Variants in COL5A2 observed in about 807,000 individuals in gnomAD.
COL5A2 encodes collagen type V alpha 2 chain, also known as collagen alpha-2(V) chain.
Under a neutral mutation model 208.2 loss-of-function variants are expected in COL5A2, and 23 were observed. The observed-to-expected ratio is 0.11, with a 90% confidence interval of 0.08 to 0.16. The LOEUF is 0.16. COL5A2 is among the 10% of genes least tolerant of loss of function. The pLI is 1.00. For synonymous variants in COL5A2, 625 were observed against 628.5 expected (o/e 0.99, Z 0.08); for missense variants, 1,590 against 1,956.4 (o/e 0.81, Z 3.53).
chr2:189,250,627 T>C, the COL5A2 span, among the ~76,000 whole-genome samples: 1 of 152,122 alleles, frequency 6.6e-6, no homozygotes, highest in Non-Finnish European at 1.5e-5. Context: ...GGGATAAGTA[T>C]CCCTCTTCCT....
intron 18 of COL5A2, among the ~76,000 whole-genome samples, chr2:189,070,528 T>C (rs752626657): frequency 6.6e-6 from 1 of 152,176 alleles, no homozygotes; most frequent in African/African-American, 2.4e-5. Context: ...TTGAGTTTTA[T>C]TGAGCAGTTT....
rs562892882 is a variant in COL5A2 at position 189,084,775 on chromosome 2, T to C, written c.798+385A>G. 2.6e-5 allele frequency among the ~76,000 whole-genome samples: 4 copies of C among 152,340 alleles called. No individual in the cohort carries two copies. In the East Asian group the frequency reaches 5.8e-4, roughly 22 times the overall value. On this transcript the variant is annotated intron_variant, in intron 11 of 53. Coordinates refer to ENST00000374866, the MANE Select transcript of COL5A2 (RefSeq NM_000393.5). ...TATTGGCACTATACTACTAACACGT[T>C]TTAAAAATTCCTTTTAAATAAGACC...
chr2:189,117,273 A>G (rs1399595571), intron 1 of COL5A2, among the ~76,000 whole-genome samples: 1 of 152,174 alleles, frequency 6.6e-6, no homozygotes, highest in African/African-American at 2.4e-5. Context: ...TTTTTTTCCC[A>G]CATACCTCAA....
chr2:189,261,654 CT>C, the COL5A2 span, among the ~76,000 whole-genome samples: 1 of 152,338 alleles, frequency 6.6e-6, no homozygotes, highest in South Asian at 2.1e-4. Context: ...ATTTCCTGTT[CT>C]TTCAACTTGT....
chr2:189,435,712 C>T, the COL5A2 span, among the ~76,000 whole-genome samples: 615 of 152,330 alleles, frequency 4.0e-3, 3 homozygotes, highest in Non-Finnish European at 7.3e-3. Flanking sequence ...AGTAGGAACA[C>T]TTTTACACTG....
the COL5A2 span, among the ~76,000 whole-genome samples, chr2:189,297,270 T>G: frequency 6.6e-6 from 1 of 152,200 alleles, no homozygotes; most frequent in Non-Finnish European, 1.5e-5. Context: ...CTTTTCACTA[T>G]TTATTTCTAA....
chr2:189,116,676 C>A (rs1482580516), intron 1 of COL5A2, among the ~76,000 whole-genome samples: 1 of 152,084 alleles, frequency 6.6e-6, no homozygotes, highest in Non-Finnish European at 1.5e-5. Flanking sequence ...TTCTAGTGAG[C>A]CCCGCAAGCT....
chr2:189,055,076 C>T (rs945306339), intron 35 of COL5A2, among the ~76,000 whole-genome samples: 1 of 151,952 alleles, frequency 6.6e-6, no homozygotes, highest in Non-Finnish European at 1.5e-5. Flanking sequence ...TTAGTAGAGA[C>T]GGGGTTTCAC....
At chr2:189,236,168 C>T in the COL5A2 span, among the ~76,000 whole-genome samples, 1 of 151,612 alleles carries the variant, frequency 6.6e-6, no homozygotes, top group South Asian at 2.1e-4. Context: ...GGATTTTGCC[C>T]CATGAGTCTT....
intron 35 of COL5A2, among the ~76,000 whole-genome samples, chr2:189,054,688 T>C (rs867231243): frequency 1.4e-5 from 2 of 146,178 alleles, no homozygotes; most frequent in African/African-American, 2.6e-5. Flanking sequence ...AGGTGTTTTT[T>C]CCTTTTTTTT....
the COL5A2 span, among the ~76,000 whole-genome samples, chr2:189,335,033 C>A: frequency 1.3e-5 from 2 of 151,834 alleles, no homozygotes; most frequent in African/African-American, 4.8e-5. Context: ...TAAAAAAATC[C>A]TTGGCAGTTA....
the COL5A2 span, among the ~76,000 whole-genome samples, chr2:189,375,687 G>A: frequency 1.3e-5 from 2 of 152,072 alleles, no homozygotes; most frequent in African/African-American, 4.8e-5. Context: ...CAAGATTTTT[G>A]CAAGATAGAT....
the COL5A2 span, among the ~76,000 whole-genome samples, chr2:189,371,472 C>G: frequency 6.6e-6 from 1 of 152,066 alleles, no homozygotes; most frequent in African/African-American, 2.4e-5. Context: ...TGATTCTGAC[C>G]AAGTGTTGAT....
At chr2:189,356,479 T>C in the COL5A2 span, among the ~76,000 whole-genome samples, 1 of 152,218 alleles carries the variant, frequency 6.6e-6, no homozygotes, top group African/African-American at 2.4e-5. Flanking sequence ...TTTATTTCAT[T>C]GAGTTGATCT....
chr2:189,138,307 G>C (rs1687864833), intron 1 of COL5A2, among the ~76,000 whole-genome samples: 1 of 151,914 alleles, frequency 6.6e-6, no homozygotes, highest in Admixed American at 6.6e-5. Context: ...TCCAGCCTCT[G>C]TCTAGCTCTA....
chr2:189,152,020 A>T (rs1688152691), intron 1 of COL5A2, among the ~76,000 whole-genome samples: 1 of 152,184 alleles, frequency 6.6e-6, no homozygotes, highest in Non-Finnish European at 1.5e-5. Context: ...GTAGAGGGAA[A>T]GAGTCAAATA....
At chr2:189,258,963 T>G in the COL5A2 span, among the ~76,000 whole-genome samples, 1 of 152,164 alleles carries the variant, frequency 6.6e-6, no homozygotes, top group African/African-American at 2.4e-5. Flanking sequence ...TTTTCTCAGC[T>G]GTAAAGCTTC....
At chr2:189,327,579 T>C in the COL5A2 span, among the ~76,000 whole-genome samples, 1 of 152,306 alleles carries the variant, frequency 6.6e-6, no homozygotes, top group East Asian at 1.9e-4. Context: ...GTGCTTCCTT[T>C]TGGTGCATTA....
the COL5A2 span, among the ~76,000 whole-genome samples, chr2:189,395,391 G>A: frequency 1.3e-5 from 2 of 152,092 alleles, no homozygotes; most frequent in Non-Finnish European, 1.5e-5. Context: ...CCAAATTTTA[G>A]TATCTCTTTT....
Sources: allele counts gnomAD v4.1 joint callset (sites outside exome capture counted in the v4.1 genomes callset), GRCh38; gene constraint gnomAD v4.1.1; transcripts MANE v1.5; gene names NCBI Gene and HGNC (gene_info 2026-07-23, HGNC 2026-07-21).